CPLX1: variants seen among roughly 807,000 people sequenced by gnomAD.
The protein encoded by CPLX1 is complexin-1.
In CPLX1, 6 loss-of-function variants were observed where a neutral mutation model predicts 15.6. The observed-to-expected ratio is 0.39, with a 90% confidence interval of 0.21 to 0.76. The LOEUF (loss-of-function observed/expected upper bound fraction) is 0.76, where lower values mean the gene tolerates loss of function less well. CPLX1 is among the 30% of genes least tolerant of loss of function. The probability of loss-of-function intolerance (pLI) is 0.43; values close to 1 mark genes in which losing one functional copy is unlikely to be tolerated. For missense variants in CPLX1, 242 were observed against 188.6 expected (o/e 1.28, Z -1.66); for synonymous variants, 91 against 75.2 (o/e 1.21, Z -1.08).
rs978197152 is a variant in CPLX1 at position 804,874 on chromosome 4, G to T, written c.32-12266C>A. 9 of 985,164 alleles carry T rather than the reference G, an allele frequency of 9.1e-6. No homozygotes were observed. In the Admixed American group the frequency reaches 3.1e-4, roughly 34 times the overall value. 61.0% of individuals were successfully genotyped at this position (985,164 alleles called of 1,614,324 possible). A position where few individuals can be genotyped will look rare whatever the true frequency, so the allele number is the denominator to read the frequency against. On this transcript the variant is annotated intron_variant, in intron 2 of 3. Coordinates refer to ENST00000304062, the MANE Select transcript of CPLX1 (RefSeq NM_006651.4). ...AGCCTCCACGGGAAAGGTGGGCGGCGGCAGCCATTTTGGAACGCAGGCGGC... is the reference window on the plus strand; with the variant it reads ...AGCCTCCACGGGAAAGGTGGGCGGCTGCAGCCATTTTGGAACGCAGGCGGC...
intron 2 of CPLX1, among the ~76,000 whole-genome samples, chr4:816,652 C>A (rs1746761698): frequency 6.6e-6 from 1 of 151,766 alleles, no homozygotes; most frequent in Non-Finnish European, 1.5e-5. Context: ...ATGGTGGGAC[C>A]CTGTCTTAAA....
intron 2 of CPLX1, 21 bp downstream of exon 2, chr4:824,466 TCCCCA>T: frequency 6.3e-7 from 1 of 1,586,788 alleles, no homozygotes; most frequent in Non-Finnish European, 8.6e-7. Flanking sequence ...CCTCAGCCCC[TCCCCA>T]CCCCACCTCC....
At chr4:795,861 A>G (rs1746322725) in intron 2 of CPLX1, among the ~76,000 whole-genome samples, 1 of 151,094 alleles carries the variant, frequency 6.6e-6, no homozygotes, top group African/African-American at 2.4e-5. Flanking sequence ...CTGAGACTCC[A>G]CCGCCCACCC....
chr4:809,331 C>G (rs1447512331), intron 2 of CPLX1, among the ~76,000 whole-genome samples: 1 of 152,238 alleles, frequency 6.6e-6, no homozygotes, highest in Admixed American at 6.5e-5. Context: ...CCGGCCAAAG[C>G]TTCTCATTCT....
chr4:798,346 C>A (rs1160213174), intron 2 of CPLX1, among the ~76,000 whole-genome samples: 4 of 150,764 alleles, frequency 2.7e-5, no homozygotes, highest in African/African-American at 9.8e-5. Context: ...TAGACCCATA[C>A]ATATATTGTC....
At chr4:822,203 CATCTCT>C (rs1746881496) in intron 2 of CPLX1, among the ~76,000 whole-genome samples, 1 of 150,206 alleles carries the variant, frequency 6.7e-6, no homozygotes, top group Non-Finnish European at 1.5e-5. Context: ...TCTCTGTCTC[CATCTCT>C]ATCTCTCTAA....
chr4:796,058 A>G (rs1746331701), intron 2 of CPLX1, among the ~76,000 whole-genome samples: 1 of 152,148 alleles, frequency 6.6e-6, no homozygotes, highest in South Asian at 2.1e-4. Context: ...CTGCTTATAC[A>G]GAGCAGCCGC....
chr4:788,111 G>A (rs551540842), intron 3 of CPLX1: 42 of 985,392 alleles, frequency 4.3e-5, no homozygotes, highest in Non-Finnish European at 4.9e-5. Flanking sequence ...ACAGGGAGGG[G>A]CCTTTCTGCC....
intron 3 of CPLX1, among the ~76,000 whole-genome samples, chr4:792,054 C>T (rs1746191699): frequency 6.6e-6 from 1 of 152,174 alleles, no homozygotes; most frequent in African/African-American, 2.4e-5. Flanking sequence ...AGTGGGTGCC[C>T]CCCTCCCTGA....
At chr4:808,249 TAAATAAATAA>T (rs139193888) in intron 2 of CPLX1, among the ~76,000 whole-genome samples, 15,066 of 151,742 alleles carry the variant, frequency 0.099, 942 homozygotes, top group African/African-American at 0.18. Flanking sequence ...CATAAATAAA[TAAATAAATAA>T]AAATAAATAA....
At chr4:793,589 G>A (rs915462397) in intron 2 of CPLX1, among the ~76,000 whole-genome samples, 1 of 152,222 alleles carries the variant, frequency 6.6e-6, no homozygotes, top group Non-Finnish European at 1.5e-5. Flanking sequence ...GTGTCACTGA[G>A]GGAGGTGACT....
chr4:813,166 G>A (rs193170381), intron 2 of CPLX1, among the ~76,000 whole-genome samples: 6 of 151,744 alleles, frequency 4.0e-5, no homozygotes, highest in African/African-American at 1.5e-4. Context: ...TTGGGAGGGT[G>A]AGGCAGGAGA....
intron 3 of CPLX1, 87 bp downstream of exon 3, chr4:792,346 C>G: frequency 7.7e-7 from 1 of 1,291,080 alleles, no homozygotes; most frequent in Non-Finnish European, 1.0e-6. Context: ...GCCCCTCTTC[C>G]GGGCAGCCCC....
chr4:808,754 A>G (rs1358033494), intron 2 of CPLX1, among the ~76,000 whole-genome samples: 1 of 152,246 alleles, frequency 6.6e-6, no homozygotes, highest in Non-Finnish European at 1.5e-5. Flanking sequence ...TTTTACACAC[A>G]CTTTCCTAAT....
At chr4:787,680 G>C in intron 3 of CPLX1, 1 of 984,808 alleles carries the variant, frequency 1.0e-6, no homozygotes, top group Non-Finnish European at 1.2e-6. Flanking sequence ...TCCAGAGGGA[G>C]TGTGGGATTT....
intron 3 of CPLX1, among the ~76,000 whole-genome samples, chr4:789,562 C>T (rs985872760): frequency 1.3e-5 from 2 of 152,136 alleles, no homozygotes; most frequent in African/African-American, 2.4e-5. Context: ...TCAGAAGGCC[C>T]GTGCAGGAAG....
At chr4:797,211 C>T (rs1687878429) in intron 2 of CPLX1, among the ~76,000 whole-genome samples, 1 of 152,214 alleles carries the variant, frequency 6.6e-6, no homozygotes, top group South Asian at 2.1e-4. Context: ...TTGTCCATTA[C>T]CTGAAATGGT....
chr4:785,768 A>C lies in CPLX1; in HGVS notation c.*733T>G, dbSNP rs1745963698. The C allele has an allele frequency of 6.6e-6, 1 of 152,276 alleles. No homozygotes were observed. Among genetic ancestry groups the C allele is most frequent in the South Asian group, 2.1e-4 (1 of 4,842 alleles). 9.4% of individuals were successfully genotyped at this position (152,276 alleles called of 1,614,324 possible). A position where few individuals can be genotyped will look rare whatever the true frequency, so the allele number is the denominator to read the frequency against. On this transcript the variant is annotated 3_prime_UTR_variant, in exon 4 of 4. Transcript: ENST00000304062. Reference sequence around the variant, plus strand: ...GAGGGCAGGGGTCCTCCCCAGGGAGAAGCAGCAGCCGCGTGGGCGGAGAGG... The same window carrying C: ...GAGGGCAGGGGTCCTCCCCAGGGAGCAGCAGCAGCCGCGTGGGCGGAGAGG...
At chr4:792,658 C>T (rs1450211187) in intron 2 of CPLX1, 50 bp from the exon 3 acceptor site, 2 of 1,557,808 alleles carry the variant, frequency 1.3e-6, no homozygotes, top group African/African-American at 1.4e-5. Flanking sequence ...TGTCCAGGGC[C>T]GGGCTAGTGT....
Sources: allele counts gnomAD v4.1 joint callset (sites outside exome capture counted in the v4.1 genomes callset), GRCh38; gene constraint gnomAD v4.1.1; transcripts MANE v1.5; gene names NCBI Gene and HGNC (gene_info 2026-07-23, HGNC 2026-07-21).